Variants in PDE8B observed in about 807,000 individuals in gnomAD.
PDE8B encodes high affinity cAMP-specific and IBMX-insensitive 3',5'-cyclic phosphodiesterase 8B.
Under a neutral mutation model 101.3 loss-of-function variants are expected in PDE8B, and 26 were observed. That is an observed-to-expected ratio of 0.26 (90% CI 0.19 to 0.36). The LOEUF (loss-of-function observed/expected upper bound fraction) is 0.36. Among genes scored for constraint, PDE8B ranks in the 10% least tolerant of loss-of-function variants. PDE8B has a pLI of 1.00. For missense variants in PDE8B, 810 were observed against 1,163.1 expected (o/e 0.70, Z 4.42); for synonymous variants, 424 against 429.3 (o/e 0.99, Z 0.15).
chr5:77,157,376 A>G, the PDE8B span, among the ~76,000 whole-genome samples: 1 of 152,182 alleles, frequency 6.6e-6, no homozygotes. Flanking sequence ...CCCAGAAGGG[A>G]CAGACATCCC....
chr5:77,295,270 A>G (rs543820001), intron 1 of PDE8B, among the ~76,000 whole-genome samples: 2 of 152,316 alleles, frequency 1.3e-5, no homozygotes, highest in South Asian at 4.1e-4. Flanking sequence ...CGAACATGCC[A>G]GACCTCGGGG....
At chr5:77,135,106 T>C in the PDE8B span, among the ~76,000 whole-genome samples, 3 of 152,234 alleles carry the variant, frequency 2.0e-5, no homozygotes, top group Non-Finnish European at 4.4e-5. Context: ...GCTACTCTAA[T>C]GAACAGCCTT....
At chr5:77,175,831 G>T in the PDE8B span, among the ~76,000 whole-genome samples, 1 of 152,194 alleles carries the variant, frequency 6.6e-6, no homozygotes, top group South Asian at 2.1e-4. Context: ...TTATATATAT[G>T]CATGTATATA....
the PDE8B span, chr5:77,092,372 T>A: frequency 6.6e-6 from 1 of 152,160 alleles, no homozygotes; most frequent in Non-Finnish European, 1.5e-5. Context: ...TTGCCCTACA[T>A]CCTTTGTTCA....
chr5:77,424,579 A>C (rs1797501079), intron 20 of PDE8B, among the ~76,000 whole-genome samples: 2 of 152,236 alleles, frequency 1.3e-5, no homozygotes, highest in African/African-American at 4.8e-5. Context: ...CTTTCCAGTG[A>C]AAATAATGGT....
intron 10 of PDE8B, among the ~76,000 whole-genome samples, chr5:77,375,647 T>C (rs1179709381): frequency 6.6e-6 from 1 of 152,108 alleles, no homozygotes; most frequent in Non-Finnish European, 1.5e-5. Context: ...GCTAGCCTGC[T>C]ATCACAAAAT....
At chr5:77,382,937 C>T (rs1206008234) in intron 10 of PDE8B, among the ~76,000 whole-genome samples, 1 of 152,126 alleles carries the variant, frequency 6.6e-6, no homozygotes, top group Non-Finnish European at 1.5e-5. Context: ...ATTTATAATC[C>T]TTTGGGTATA....
At chr5:77,133,393 C>T in the PDE8B span, among the ~76,000 whole-genome samples, 12 of 152,242 alleles carry the variant, frequency 7.9e-5, no homozygotes, top group East Asian at 5.8e-4. Flanking sequence ...TGACAATAAA[C>T]GACTGTTATT....
At chr5:77,149,432 A>G in the PDE8B span, among the ~76,000 whole-genome samples, 1 of 152,192 alleles carries the variant, frequency 6.6e-6, no homozygotes, top group East Asian at 1.9e-4. Context: ...AATTGTGTTG[A>G]ACCTATAGAT....
intron 1 of PDE8B, among the ~76,000 whole-genome samples, chr5:77,285,003 A>G (rs1561469019): frequency 1.3e-5 from 2 of 152,206 alleles, no homozygotes; most frequent in African/African-American, 4.8e-5. Flanking sequence ...GAGTGTCACT[A>G]TATTTCCAGT....
At chr5:77,158,017 A>G in the PDE8B span, among the ~76,000 whole-genome samples, 2 of 152,216 alleles carry the variant, frequency 1.3e-5, no homozygotes, top group Admixed American at 1.3e-4. Context: ...GATCCTTGCA[A>G]CCACCCAGTG....
In PDE8B at chr5:77,211,563, C is replaced by G. The variant is rs1035128205; in HGVS notation, c.339+299C>G. ...CTGTTCCTCCTTGAGGGCAGGAAGG[C>G]TGTGGCTTGGTTTATGCAGGAAGAG... On this transcript the variant is annotated intron_variant, in intron 1 of 21. Transcript: ENST00000264917. This position sits in a 1 kb window ranked among gnomAD's most constrained non-coding sequence, Gnocchi z 4.1. Among the ~76,000 whole-genome samples the G allele has an allele frequency of 1.3e-5, 2 of 152,124 alleles. No individual in the cohort carries two copies. Among genetic ancestry groups the G allele is most frequent in the Non-Finnish European group, 2.9e-5 (2 of 68,028 alleles).
Position 77,411,691 on chromosome 5 carries a change from C to G in PDE8B, c.1546C>G (p.Leu516Val). Residue 516 changes from leucine (L) to valine (V), a missense_variant, in exon 15 of 22, where the codon CTG (leucine) becomes GTG (valine). Transcript: ENST00000264917. ...GGLMTDGLRRLSGNEYVFTKN... is the reference protein window; with the variant it reads ...GGLMTDGLRRVSGNEYVFTKN... ...TTTATTCCAGGACGGCTTGAGAAGA[C>G]TGTCAGGAAACGAGTATGTGTTTAC... The G allele has an allele frequency of 1.2e-6, 2 of 1,611,808 alleles. No individual in the cohort carries two copies. The highest frequency in any genetic ancestry group is 1.7e-6 in the Non-Finnish European group (2 of 1,178,002).
At chr5:77,314,991 G>T (rs1355864777) in intron 2 of PDE8B, among the ~76,000 whole-genome samples, 1 of 151,900 alleles carries the variant, frequency 6.6e-6, no homozygotes, top group Non-Finnish European at 1.5e-5. Context: ...TGAAGCGTTT[G>T]GTCAAGTCTT....
intron 17 of PDE8B, among the ~76,000 whole-genome samples, chr5:77,413,855 T>C (rs914537040): frequency 1.3e-5 from 2 of 152,210 alleles, no homozygotes; most frequent in African/African-American, 4.8e-5. Context: ...AATACTGTCA[T>C]GTACCACTGC....
At chr5:77,337,183 A>T in intron 5 of PDE8B, 44 bp from the exon 6 acceptor site, 1 of 1,052,706 alleles carries the variant, frequency 9.5e-7, no homozygotes, top group Non-Finnish European at 1.5e-6. Context: ...CTCTCTAAGA[A>T]GTAATTATAT....
At chr5:77,281,303 A>G (rs1764943520) in intron 1 of PDE8B, among the ~76,000 whole-genome samples, 2 of 152,256 alleles carry the variant, frequency 1.3e-5, no homozygotes, top group Non-Finnish European at 1.5e-5. Flanking sequence ...GCTGTTGGCC[A>G]GGATTCTAAT....
chr5:77,188,495 T>G, the PDE8B span, among the ~76,000 whole-genome samples: 1 of 152,172 alleles, frequency 6.6e-6, no homozygotes, highest in African/African-American at 2.4e-5. Flanking sequence ...GAAGGGCATT[T>G]TGGATCTTTA....
intron 1 of PDE8B, chr5:77,291,207 A>C (rs1046270147): frequency 2.5e-6 from 4 of 1,610,724 alleles, no homozygotes; most frequent in Non-Finnish European, 3.4e-6. Flanking sequence ...ACATGAAAGC[A>C]TCCATCATGA....
Sources: allele counts gnomAD v4.1 joint callset (sites outside exome capture counted in the v4.1 genomes callset), GRCh38; gene constraint gnomAD v4.1.1; non-coding constraint Gnocchi (gnomAD v3.1); transcripts MANE v1.5; gene names NCBI Gene and HGNC (gene_info 2026-07-23, HGNC 2026-07-21).